Variants in TACR1 observed in about 807,000 individuals in gnomAD.
The protein encoded by TACR1 is tachykinin receptor 1.
In TACR1, 25 loss-of-function variants were observed where a neutral mutation model predicts 35.8. That is an observed-to-expected ratio of 0.70 (90% CI 0.51 to 0.98). The LOEUF is 0.98. Among genes scored for constraint, TACR1 ranks in the 50% least tolerant of loss-of-function variants. TACR1 has a pLI of 0.00. For missense variants in TACR1, 478 were observed against 522.9 expected (o/e 0.91, Z 0.84); for synonymous variants, 195 against 206.7 (o/e 0.94, Z 0.48).
At position 75,053,684 on chromosome 2, in the gene TACR1, A is replaced by G. The variant is rs757523905; in HGVS notation, c.656T>C (p.Val219Ala). The change falls in exon 3 of 5, where the codon GTG (valine) becomes GCG (alanine). Residue 219 changes from valine (V) to alanine (A), a missense_variant. Physicochemically the swap from Val to Ala is moderately conservative, Grantham distance 64. Coordinates refer to ENST00000305249, the MANE Select transcript of TACR1 (RefSeq NM_001058.4). ...LLVIGYAYTV[V>A]GITLWASEIP... ...CTCACTGGCCCATAGTGTGATTCCC[A>G]CTACGGTGTATGCATAGCCAATCAC... The G allele has an allele frequency of 9.3e-6, 15 of 1,613,356 alleles. No individual in the cohort carries two copies. The South Asian group carries it at 1.5e-4, about 17-fold the overall frequency.
intron 1 of TACR1, among the ~76,000 whole-genome samples, chr2:75,162,817 AT>A (rs772139203): frequency 3.3e-5 from 5 of 152,186 alleles, no homozygotes; most frequent in Non-Finnish European, 5.9e-5. Flanking sequence ...AATTTTGTTG[AT>A]GTTTCAAGGT....
At chr2:75,162,081 G>T (rs374841638) in intron 1 of TACR1, among the ~76,000 whole-genome samples, 1 of 150,988 alleles carries the variant, frequency 6.6e-6, no homozygotes, top group African/African-American at 2.4e-5. Flanking sequence ...GTCTGTGTTG[G>T]GGGGAGGGGA....
chr2:75,093,746 T>C (rs1007475995), intron 2 of TACR1, among the ~76,000 whole-genome samples: 2 of 152,034 alleles, frequency 1.3e-5, no homozygotes, highest in Admixed American at 1.3e-4. Flanking sequence ...GAATAATATA[T>C]ATTATTCTTA....
chr2:75,120,752 G>C lies in TACR1; in HGVS notation c.406C>G (p.His136Asp). The C allele has an allele frequency of 6.2e-7, 1 of 1,612,618 alleles. No homozygotes were observed. The highest frequency in any genetic ancestry group is 8.5e-7 in the Non-Finnish European group (1 of 1,179,502). ...GCTGACAGCCGGGGCTGGAGGGGAT[G>C]TATGATGGCCATGTACCTGGAACAG... ...VAFDRYMAIIHPLQPRLSATA... is the reference protein window; with the variant it reads ...VAFDRYMAIIDPLQPRLSATA... The change falls in exon 2 of 5, where the codon CAT (histidine) becomes GAT (aspartate). Residue 136 changes from histidine to aspartate, a missense_variant. By Grantham distance (81) the His-to-Asp change is moderately conservative. Transcript: ENST00000305249.
chr2:75,194,690 C>T (rs1675923215), intron 1 of TACR1, among the ~76,000 whole-genome samples: 1 of 152,164 alleles, frequency 6.6e-6, no homozygotes, highest in Non-Finnish European at 1.5e-5. Flanking sequence ...CCTCTTTTGC[C>T]TTCAACCATT....
intron 1 of TACR1, among the ~76,000 whole-genome samples, chr2:75,190,881 G>A (rs1675827141): frequency 6.6e-6 from 1 of 152,110 alleles, no homozygotes; most frequent in African/African-American, 2.4e-5. Flanking sequence ...CACTCAACAG[G>A]GAATCCCAAA....
intron 2 of TACR1, among the ~76,000 whole-genome samples, chr2:75,115,084 CGTGTGTGTGTGT>C (rs3079164): frequency 1.9e-3 from 285 of 148,762 alleles, no homozygotes; most frequent in African/African-American, 5.5e-3. Flanking sequence ...TGTTAACATA[CGTGTGTGTGTGT>C]GTGTGTGTGT....
intron 1 of TACR1, among the ~76,000 whole-genome samples, chr2:75,128,162 A>G (rs1352649486): frequency 6.6e-6 from 1 of 152,216 alleles, no homozygotes; most frequent in Non-Finnish European, 1.5e-5. Context: ...AAAGAACTCC[A>G]TCTTCATTCA....
chr2:75,129,829 T>C (rs1674144294), intron 1 of TACR1, among the ~76,000 whole-genome samples: 1 of 152,122 alleles, frequency 6.6e-6, no homozygotes, highest in African/African-American at 2.4e-5. Flanking sequence ...AGGGTGACCA[T>C]TGACTTAATT....
At chr2:75,060,150 C>T (rs1455043953) in intron 2 of TACR1, among the ~76,000 whole-genome samples, 9 of 152,246 alleles carry the variant, frequency 5.9e-5, no homozygotes, top group South Asian at 4.1e-4. Context: ...TTTCTTCTTC[C>T]GGAGCTCACA....
intron 1 of TACR1, among the ~76,000 whole-genome samples, chr2:75,138,165 G>T (rs1197952784): frequency 6.6e-6 from 1 of 152,180 alleles, no homozygotes; most frequent in Non-Finnish European, 1.5e-5. Flanking sequence ...CATCAGTTCT[G>T]CCTGATTCAA....
intron 1 of TACR1, among the ~76,000 whole-genome samples, chr2:75,180,968 C>T (rs72920676): frequency 0.15 from 22,544 of 152,126 alleles, 1,881 homozygotes; most frequent in East Asian, 0.32. Context: ...GCTCCATGTT[C>T]CTGATTTAAC....
At position 75,051,313 on chromosome 2, in the gene TACR1, G is replaced by C; in HGVS notation, c.870C>G (p.Ile290Met). Residue 290 changes from isoleucine to methionine, a missense_variant, in exon 4 of 5, where the codon ATC becomes ATG. Transcript: ENST00000305249. Reference protein sequence around the residue: ...KKFIQQVYLAIMWLAMSSTMY... With the variant: ...KKFIQQVYLAMMWLAMSSTMY... ...TGGTGGAGCTCATGGCCAGCCACATGATGGCCAGGTAGACCTGCTGGATAA... is the reference window on the plus strand; with the variant it reads ...TGGTGGAGCTCATGGCCAGCCACATCATGGCCAGGTAGACCTGCTGGATAA... The C allele has an allele frequency of 6.2e-7, 1 of 1,614,226 alleles. No individual in the cohort carries two copies. The highest frequency in any genetic ancestry group is 1.1e-5 in the South Asian group (1 of 91,084).
chr2:75,066,667 G>T (rs1672767997), intron 2 of TACR1, among the ~76,000 whole-genome samples: 1 of 152,192 alleles, frequency 6.6e-6, no homozygotes. Flanking sequence ...ACTGAAATAT[G>T]TGGGAAAGAC....
intron 2 of TACR1, among the ~76,000 whole-genome samples, chr2:75,081,162 G>T (rs558770368): frequency 6.6e-6 from 1 of 152,320 alleles, no homozygotes; most frequent in South Asian, 2.1e-4. Context: ...TGCCCTGGGG[G>T]AAATCACTTT....
chr2:75,107,714 G>A (rs1572934472), intron 2 of TACR1, among the ~76,000 whole-genome samples: 1 of 151,958 alleles, frequency 6.6e-6, no homozygotes, highest in African/African-American at 2.4e-5. Flanking sequence ...TTATGGAATG[G>A]AGACAAAATG....
chr2:75,067,744 A>G (rs1410388745), intron 2 of TACR1, among the ~76,000 whole-genome samples: 1 of 152,114 alleles, frequency 6.6e-6, no homozygotes, highest in East Asian at 1.9e-4. Context: ...GCAGGCACAG[A>G]GGCCCTAAGG....
At chr2:75,097,262 G>A (rs1235085210) in intron 2 of TACR1, among the ~76,000 whole-genome samples, 2 of 152,126 alleles carry the variant, frequency 1.3e-5, no homozygotes, top group African/African-American at 4.8e-5. Flanking sequence ...TTTGTTCTGA[G>A]TAGGTACACA....
At chr2:75,197,916 C>A (rs1676032330) in intron 1 of TACR1, among the ~76,000 whole-genome samples, 1 of 152,182 alleles carries the variant, frequency 6.6e-6, no homozygotes, top group Non-Finnish European at 1.5e-5. Flanking sequence ...ACAGAGTAAA[C>A]TGCATTAGAA....
Sources: gnomAD v4.1 joint callset for allele counts (sites outside exome capture counted in the v4.1 genomes callset) on GRCh38, gnomAD v4.1.1 for gene constraint, MANE v1.5 for transcripts, NCBI Gene and HGNC (gene_info 2026-07-23, HGNC 2026-07-21) for gene names.